The following CGNL1 variants were observed in gnomAD, a reference collection of about 807,000 sequenced individuals.
CGNL1 encodes cingulin-like protein 1.
CGNL1 carries 132 observed loss-of-function variants against 141.2 expected under a neutral mutation model. The observed-to-expected ratio is 0.93, with a 90% CI of 0.81 to 1.08. The LOEUF (loss-of-function observed/expected upper bound fraction) is 1.08. Among genes scored for constraint, CGNL1 ranks in the 50% least tolerant of loss-of-function variants. The pLI is 0.00. For synonymous variants in CGNL1, 690 were observed against 622.1 expected (o/e 1.11, Z -1.63); for missense variants, 1,870 against 1,588.6 (o/e 1.18, Z -3.01).
intron 3 of CGNL1, among the ~76,000 whole-genome samples, chr15:57,441,245 A>AGG (rs34130046): frequency 2.6e-5 from 4 of 152,154 alleles, no homozygotes; most frequent in African/African-American, 7.2e-5. Context: ...ATCTTTTGAA[A>AGG]GGGGGAAAAA....
intron 14 of CGNL1, 32 bp downstream of exon 14, chr15:57,531,811 T>A (rs1391632930): frequency 1.5e-6 from 2 of 1,363,032 alleles, no homozygotes; most frequent in African/African-American, 2.8e-5. Flanking sequence ...ATGCGTGGAT[T>A]GTCCTGTGTG....
At chr15:57,523,687 G>A (rs575772498) in intron 11 of CGNL1, 46 bp downstream of exon 11, 1 of 1,603,222 alleles carries the variant, frequency 6.2e-7, no homozygotes, top group South Asian at 1.1e-5. Flanking sequence ...AGATGTCTTT[G>A]TTGGACCCAG....
intron 1 of CGNL1, among the ~76,000 whole-genome samples, chr15:57,399,275 A>C (rs1662714950): frequency 1.3e-5 from 2 of 152,196 alleles, no homozygotes; most frequent in Admixed American, 6.5e-5. Context: ...TCTAGCTGTA[A>C]CTTTGACCTG....
chr15:57,550,062 C>G lies in CGNL1; in HGVS notation c.*2572C>G, dbSNP rs1407110167. 5 of 152,260 alleles carry G rather than the reference C, an allele frequency of 3.3e-5. No homozygotes were observed. The highest frequency in any genetic ancestry group is 1.2e-4 in the African/African-American group (5 of 41,468). 9.4% of individuals were successfully genotyped at this position (152,260 alleles called of 1,614,324 possible). ...ATGGGGCTGGCTACAAGAAGCAAAA[C>G]TGCCCATGCAAAGAGAACACAGGTC... On this transcript the variant is annotated 3_prime_UTR_variant, in exon 19 of 19. Coordinates refer to ENST00000281282, the MANE Select transcript of CGNL1 (RefSeq NM_032866.5).
At chr15:57,537,621 G>A (rs896352058) in intron 14 of CGNL1, among the ~76,000 whole-genome samples, 5 of 152,154 alleles carry the variant, frequency 3.3e-5, no homozygotes, top group African/African-American at 9.7e-5. Flanking sequence ...ATAAACACAG[G>A]TGATGGGGTT....
At chr15:57,543,878 C>T in intron 15 of CGNL1, 99 bp downstream of exon 15, 1 of 831,714 alleles carries the variant, frequency 1.2e-6, no homozygotes, top group Non-Finnish European at 1.9e-6. Context: ...CCCTCCTTTA[C>T]TTGGCATCCC....
chr15:57,476,674 A>G (rs1229753462), intron 8 of CGNL1, among the ~76,000 whole-genome samples: 2 of 152,240 alleles, frequency 1.3e-5, no homozygotes, highest in Non-Finnish European at 2.9e-5. Flanking sequence ...AATGTGGGCC[A>G]GAACAAGTCC....
Position 57,451,579 on chromosome 15 carries a change from G to C in CGNL1, c.1883G>C (p.Arg628Thr). ...ACCATAGAAGTGGCTGAACTTCAGA[G>C]ACAGCTTCAACTGGAAGTCAAGGTA... ...KLTIEVAELQ[R>T]QLQLEVKNQQ... The change falls in exon 5 of 19, where the codon AGA becomes ACA. Residue 628 changes from arginine to threonine, a missense_variant. Coordinates refer to ENST00000281282, the MANE Select transcript of CGNL1 (RefSeq NM_032866.5). 6.2e-7 allele frequency: 1 copy of C among 1,610,002 alleles called. No individual in the cohort carries two copies. The highest frequency in any genetic ancestry group is 8.5e-7 in the Non-Finnish European group (1 of 1,177,504).
chr15:57,501,796 A>G (rs1243283850), intron 8 of CGNL1, among the ~76,000 whole-genome samples: 1 of 152,090 alleles, frequency 6.6e-6, no homozygotes, highest in East Asian at 1.9e-4. Flanking sequence ...CAGCTAAGGA[A>G]GAGATGGAAG....
chr15:57,377,790 A>G (rs969882555), intron 1 of CGNL1, among the ~76,000 whole-genome samples: 3 of 152,180 alleles, frequency 2.0e-5, no homozygotes, highest in Non-Finnish European at 4.4e-5. Context: ...CTATTCAGGG[A>G]AAACCAAGTG....
intron 13 of CGNL1, among the ~76,000 whole-genome samples, chr15:57,531,031 A>C (rs150401367): frequency 6.6e-6 from 1 of 152,320 alleles, no homozygotes; most frequent in East Asian, 1.9e-4. Flanking sequence ...TTTGTGTTAG[A>C]AGCCTCTTTT....
At chr15:57,482,714 T>C (rs1280943887) in intron 8 of CGNL1, among the ~76,000 whole-genome samples, 1 of 152,218 alleles carries the variant, frequency 6.6e-6, no homozygotes, top group Non-Finnish European at 1.5e-5. Flanking sequence ...TCTGGTAGAC[T>C]GAATCTTCCA....
At chr15:57,442,934 T>G (rs2063208122) in intron 4 of CGNL1, among the ~76,000 whole-genome samples, 1 of 152,180 alleles carries the variant, frequency 6.6e-6, no homozygotes, top group Non-Finnish European at 1.5e-5. Flanking sequence ...CAGCCTTTTT[T>G]CCAGAAAAGT....
chr15:57,509,496 T>C (rs1419216635), intron 8 of CGNL1, among the ~76,000 whole-genome samples: 1 of 152,220 alleles, frequency 6.6e-6, no homozygotes, highest in Non-Finnish European at 1.5e-5. Flanking sequence ...GTCCAAGGTG[T>C]CGGGTCCGTG....
chr15:57,459,176 T>C (rs1285709670), intron 7 of CGNL1, among the ~76,000 whole-genome samples: 3 of 152,226 alleles, frequency 2.0e-5, no homozygotes, highest in African/African-American at 7.2e-5. Flanking sequence ...CGTGTTCTTA[T>C]GCAGAAGCCA....
intron 10 of CGNL1, among the ~76,000 whole-genome samples, chr15:57,518,841 C>T (rs956566897): frequency 1.3e-4 from 20 of 152,200 alleles, no homozygotes; most frequent in Middle Eastern, 3.2e-3. Context: ...AATGCGAAGG[C>T]GGAGAGCCCT....
chr15:57,450,017 G>A (rs1567125543), intron 4 of CGNL1, among the ~76,000 whole-genome samples: 2 of 152,142 alleles, frequency 1.3e-5, no homozygotes, highest in African/African-American at 4.8e-5. Flanking sequence ...TGCTTTAAAC[G>A]TTCACGTACA....
At chr15:57,390,555 A>C (rs2062531328) in intron 1 of CGNL1, among the ~76,000 whole-genome samples, 1 of 152,202 alleles carries the variant, frequency 6.6e-6, no homozygotes, top group Non-Finnish European at 1.5e-5. Flanking sequence ...CACTGAGAAC[A>C]ATAATTTCAT....
At chr15:57,440,586 G>T in intron 3 of CGNL1, 115 bp downstream of exon 3, 1 of 814,750 alleles carries the variant, frequency 1.2e-6, no homozygotes, top group Non-Finnish European at 2.0e-6. Flanking sequence ...CCAGCCGTTG[G>T]AGGGTTAAAA....
Sources: gnomAD v4.1 joint callset for allele counts (sites outside exome capture counted in the v4.1 genomes callset) on GRCh38, gnomAD v4.1.1 for gene constraint, MANE v1.5 for transcripts, NCBI Gene and HGNC (gene_info 2026-07-23, HGNC 2026-07-21) for gene names.